The following IL1RAPL1 variants were observed in gnomAD, a reference collection of about 807,000 sequenced individuals.
IL1RAPL1 encodes the protein interleukin-1 receptor accessory protein-like 1.
IL1RAPL1 carries 3 observed loss-of-function variants against 48.4 expected under a neutral mutation model. That is an observed-to-expected ratio of 0.06 (90% CI 0.03 to 0.16). The LOEUF is 0.16. Among genes scored for constraint, IL1RAPL1 ranks in the 10% least tolerant of loss-of-function variants. The pLI, the probability that IL1RAPL1 is intolerant of heterozygous loss-of-function variation, is 1.00. For missense variants in IL1RAPL1, 349 were observed against 530.6 expected, an observed-to-expected ratio of 0.66 and a Z score of 3.36; for synonymous variants, 185 against 187.7, an observed-to-expected ratio of 0.99 and a Z score of 0.12.
chrX:28,924,179 T>C (rs1281934083), intron 2 of IL1RAPL1: 1 of 112,253 alleles, frequency 8.9e-6, no homozygotes, highest in Non-Finnish European at 1.9e-5. Context: ...TACTGTTTGC[T>C]TTAAAATTCT....
chrX:29,344,505 A>G (rs770182689), intron 3 of IL1RAPL1, among the ~76,000 whole-genome samples: 1 of 112,104 alleles, frequency 8.9e-6, no homozygotes, highest in East Asian at 2.8e-4. Flanking sequence ...AATTAGACAA[A>G]TGATACACAC....
intron 1 of IL1RAPL1, among the ~76,000 whole-genome samples, chrX:28,779,948 A>G (rs1936403576): frequency 9.1e-6 from 1 of 109,352 alleles, no homozygotes; most frequent in Non-Finnish European, 1.9e-5. Flanking sequence ...GTTGTCAAAG[A>G]ACCACAAATT....
At chrX:28,831,763 C>A (rs1921063262) in intron 2 of IL1RAPL1, among the ~76,000 whole-genome samples, 1 of 110,872 alleles carries the variant, frequency 9.0e-6, no homozygotes, top group Non-Finnish European at 1.9e-5. Flanking sequence ...TTTTTTATTT[C>A]ATGGAAACAA....
At chrX:28,988,947 T>C (rs1212391310) in intron 2 of IL1RAPL1, among the ~76,000 whole-genome samples, 1 of 111,590 alleles carries the variant, frequency 9.0e-6, no homozygotes, top group Non-Finnish European at 1.9e-5. Context: ...GTTTCACATC[T>C]CATCCAAGTT....
chrX:29,266,904 C>T (rs989358975), intron 2 of IL1RAPL1, among the ~76,000 whole-genome samples: 1 of 111,726 alleles, frequency 9.0e-6, no homozygotes, highest in Non-Finnish European at 1.9e-5. Flanking sequence ...ATTGGGCTAG[C>T]TCATCTTTTC....
At chrX:28,938,873 A>G (rs953073972) in intron 2 of IL1RAPL1, among the ~76,000 whole-genome samples, 5 of 111,168 alleles carry the variant, frequency 4.5e-5, no homozygotes, top group African/African-American at 1.6e-4. Flanking sequence ...GCATGAACAG[A>G]TACTTTTCAA....
At chrX:29,241,439 G>A (rs749508139) in intron 2 of IL1RAPL1, among the ~76,000 whole-genome samples, 2 of 111,527 alleles carry the variant, frequency 1.8e-5, no homozygotes, top group East Asian at 5.7e-4. Flanking sequence ...AGGAATTATC[G>A]CTGAAGTCCT....
At chrX:28,710,130 C>A (rs778794215) in intron 1 of IL1RAPL1, among the ~76,000 whole-genome samples, 14 of 110,845 alleles carry the variant, frequency 1.3e-4, no homozygotes, top group Non-Finnish European at 2.3e-4. Flanking sequence ...CTTATGGAAG[C>A]CTCACTATGG....
At chrX:28,886,484 TAAGATA>T (rs762508266) in intron 2 of IL1RAPL1, among the ~76,000 whole-genome samples, 1 of 105,940 alleles carries the variant, frequency 9.4e-6, no homozygotes, top group Non-Finnish European at 1.9e-5. Flanking sequence ...GAAGTGCAAG[TAAGATA>T]AAGAATAAAA....
chrX:28,957,048 G>A (rs1256425753), intron 2 of IL1RAPL1, among the ~76,000 whole-genome samples: 14 of 110,667 alleles, frequency 1.3e-4, no homozygotes, highest in Admixed American at 2.9e-4. Context: ...GTTTATTTGC[G>A]TAGAGGTGTT....
chrX:29,313,063 C>T (rs896143766), intron 3 of IL1RAPL1, among the ~76,000 whole-genome samples: 1 of 111,621 alleles, frequency 9.0e-6, no homozygotes, highest in Non-Finnish European at 1.9e-5. Context: ...AGAGGCCATT[C>T]GTACTTTAAA....
intron 2 of IL1RAPL1, among the ~76,000 whole-genome samples, chrX:28,840,648 TTAA>T (rs1236697858): frequency 1.9e-4 from 21 of 111,459 alleles, no homozygotes; most frequent in African/African-American, 2.6e-4. Flanking sequence ...TAAATTTAAC[TTAA>T]TAATAAGTAT....
At chrX:29,007,320 C>A (rs939852343) in intron 2 of IL1RAPL1, among the ~76,000 whole-genome samples, 2 of 111,511 alleles carry the variant, frequency 1.8e-5, no homozygotes, top group South Asian at 7.4e-4. Flanking sequence ...GTATGAAGAC[C>A]AGAATTGTTT....
chrX:28,600,308 G>C (rs1934007804), intron 1 of IL1RAPL1, among the ~76,000 whole-genome samples: 1 of 111,869 alleles, frequency 8.9e-6, no homozygotes, highest in Non-Finnish European at 1.9e-5. Flanking sequence ...CAGGAATGTA[G>C]TTCAAGTCAC....
At chrX:28,667,418 G>A (rs1254501482) in intron 1 of IL1RAPL1, among the ~76,000 whole-genome samples, 1 of 112,017 alleles carries the variant, frequency 8.9e-6, no homozygotes, top group Non-Finnish European at 1.9e-5. Context: ...ATGTTGCCTC[G>A]CATGTCTTTT....
intron 5 of IL1RAPL1, among the ~76,000 whole-genome samples, chrX:29,470,988 C>T (rs958387702): frequency 2.7e-5 from 3 of 111,895 alleles, no homozygotes; most frequent in Non-Finnish European, 5.6e-5. Flanking sequence ...AGTTATGCAA[C>T]TATCACTACT....
intron 2 of IL1RAPL1, among the ~76,000 whole-genome samples, chrX:29,078,842 G>A (rs1418490675): frequency 8.9e-6 from 1 of 111,963 alleles, no homozygotes; most frequent in Non-Finnish European, 1.9e-5. Flanking sequence ...CAAAAACCAT[G>A]TTATTTACTC....
chrX:29,337,744 G>A (rs1283833753), intron 3 of IL1RAPL1, among the ~76,000 whole-genome samples: 2 of 110,979 alleles, frequency 1.8e-5, no homozygotes, highest in African/African-American at 6.6e-5. Flanking sequence ...GCTTGATCTT[G>A]GCTCACTGAA....
At chrX:29,403,914 G>A (rs1189293078) in intron 5 of IL1RAPL1, among the ~76,000 whole-genome samples, 2 of 112,345 alleles carry the variant, frequency 1.8e-5, no homozygotes, top group Non-Finnish European at 3.8e-5. Flanking sequence ...AATTGTTTTA[G>A]CATTTAGCCT....
Sources: allele counts gnomAD v4.1 joint callset (sites outside exome capture counted in the v4.1 genomes callset), GRCh38; gene constraint gnomAD v4.1.1; transcripts MANE v1.5; gene names NCBI Gene and HGNC (gene_info 2026-07-23, HGNC 2026-07-21).